The following CEP162 variants were observed in gnomAD, a reference collection of about 807,000 sequenced individuals.
CEP162 encodes centrosomal protein 162, also known as centrosomal protein of 162 kDa.
In CEP162, 141 loss-of-function variants were observed where a neutral mutation model predicts 169.2. The ratio of observed to expected loss-of-function variants is 0.83; its 90% CI spans 0.73 to 0.96. The LOEUF (loss-of-function observed/expected upper bound fraction) is 0.96. Among genes scored for constraint, CEP162 ranks in the 40% least tolerant of loss-of-function variants. CEP162 has a pLI of 0.00. For missense variants in CEP162, 1,600 were observed against 1,587.2 expected, an observed-to-expected ratio of 1.01 and a Z score of -0.14; for synonymous variants, 540 against 526.4, an observed-to-expected ratio of 1.03 and a Z score of -0.35.
At chr6:84,128,742 T>G (rs768990572) in intron 25 of CEP162, among the ~76,000 whole-genome samples, 27 of 152,154 alleles carry the variant, frequency 1.8e-4, no homozygotes, top group Non-Finnish European at 2.9e-4. Context: ...GTGCAGAACG[T>G]GCAGGTTTGT....
intron 3 of CEP162, among the ~76,000 whole-genome samples, chr6:84,219,473 A>T (rs796916343): frequency 8.5e-5 from 13 of 152,284 alleles, no homozygotes; most frequent in African/African-American, 2.9e-4. Flanking sequence ...GGTTGTATAT[A>T]TCTGCTCTGA....
In CEP162 at chr6:84,184,553, T is replaced by C. The variant is rs530917809; in HGVS notation, c.1663+634A>G. 3.9e-5 allele frequency among the ~76,000 whole-genome samples: 6 copies of C among 152,262 alleles called. No individual in the cohort carries two copies. In the South Asian group the frequency reaches 1.0e-3, roughly 26 times the overall value. On this transcript the variant is annotated intron_variant, in intron 13 of 26. Coordinates refer to ENST00000403245, the MANE Select transcript of CEP162 (RefSeq NM_014895.4). ...TCAGCAGTAAATGACAGAGCAGTCC[T>C]TCTTAATATACTTTGTTGACTTGCA...
At chr6:84,204,832 C>A (rs2099546088) in intron 6 of CEP162, among the ~76,000 whole-genome samples, 1 of 151,974 alleles carries the variant, frequency 6.6e-6, no homozygotes, top group South Asian at 2.1e-4. Context: ...AGACTGCTAG[C>A]AAGACTAATA....
intron 25 of CEP162, among the ~76,000 whole-genome samples, chr6:84,140,864 A>C (rs200013557): frequency 1.3e-5 from 2 of 152,104 alleles, no homozygotes; most frequent in East Asian, 3.9e-4. Flanking sequence ...ACTGGTCTAG[A>C]GCAGCAGTTC....
At chr6:84,163,394 G>A (rs1244929957) in intron 18 of CEP162, 124 bp from the exon 19 acceptor site, 4 of 697,172 alleles carry the variant, frequency 5.7e-6, no homozygotes, top group East Asian at 5.4e-5. Context: ...TAGCTCTGAT[G>A]TTATTACTAC....
chr6:84,206,347 G>A (rs1033500751), intron 6 of CEP162, among the ~76,000 whole-genome samples: 1 of 151,880 alleles, frequency 6.6e-6, no homozygotes, highest in African/African-American at 2.4e-5. Context: ...AAGCAGAACA[G>A]CATGGTACTG....
In CEP162 at chr6:84,163,201, A is replaced by T; in HGVS notation, c.2455T>A (p.Phe819Ile). The change falls in exon 19 of 27, where the codon TTC becomes ATC. Residue 819 changes from phenylalanine (F) to isoleucine (I), a missense_variant. Physicochemically the swap from Phe to Ile is conservative, Grantham distance 21. Transcript: ENST00000403245. ...KQDKQALEVD[F>I]EKMKKERDQA... ...TCCCTCTCTTTCTTCATTTTTTCGAAGTCTACTTCAAGAGCTTGTTTGTCT... is the reference window on the plus strand; with the variant it reads ...TCCCTCTCTTTCTTCATTTTTTCGATGTCTACTTCAAGAGCTTGTTTGTCT... 1 of 1,612,758 alleles carries T rather than the reference A, an allele frequency of 6.2e-7. No homozygotes were observed. The highest frequency in any genetic ancestry group is 8.5e-7 in the Non-Finnish European group (1 of 1,179,084).
At position 84,215,460 on chromosome 6, in the gene CEP162, C is replaced by A; in HGVS notation, c.325G>T (p.Val109Leu). 1 of 1,572,774 alleles carries A rather than the reference C, an allele frequency of 6.4e-7. No homozygotes were observed. Among genetic ancestry groups the A allele is most frequent in the Non-Finnish European group, 8.6e-7 (1 of 1,163,006 alleles). Residue 109 changes from valine to leucine, a missense_variant, in exon 5 of 27, where the codon GTA becomes TTA. By Grantham distance (32) the Val-to-Leu change is conservative (BLOSUM62 1). Coordinates refer to ENST00000403245, the MANE Select transcript of CEP162 (RefSeq NM_014895.4). ...STDSLETNEL[V>L]VSELNHSSLG... ...CTACTATGGTTGAGCTCAGAAACTA[C>A]TAGTTCTAAATGGAAAGCACAAATA...
At chr6:84,156,701 T>G (rs1401790382) in intron 21 of CEP162, among the ~76,000 whole-genome samples, 1 of 150,956 alleles carries the variant, frequency 6.6e-6, no homozygotes, top group African/African-American at 2.5e-5. Context: ...GATCCAGCAA[T>G]TCCACTACTA....
chr6:84,136,829 C>A (rs1010936742), intron 25 of CEP162, among the ~76,000 whole-genome samples: 1 of 152,238 alleles, frequency 6.6e-6, no homozygotes, highest in African/African-American at 2.4e-5. Flanking sequence ...TTTTCTTCTG[C>A]ATGAGAAACT....
At chr6:84,151,070 C>T (rs1322225570) in intron 23 of CEP162, among the ~76,000 whole-genome samples, 1 of 151,860 alleles carries the variant, frequency 6.6e-6, no homozygotes, top group Non-Finnish European at 1.5e-5. Flanking sequence ...GAAGGTAGTA[C>T]TTATAACAAG....
Position 84,169,177 on chromosome 6 carries a change from T to G in CEP162, c.2385+151A>C, listed in dbSNP as rs2099528988. On this transcript the variant is annotated intron_variant, in intron 18 of 26. Transcript: ENST00000403245. Reference sequence around the variant, plus strand: ...GTCATGTGCATACTATATGCTAATTTAAGATATTTCTCCCTAAGTTTTAAA... The same window carrying G: ...GTCATGTGCATACTATATGCTAATTGAAGATATTTCTCCCTAAGTTTTAAA... 5.3e-6 allele frequency: 3 copies of G among 565,956 alleles called. No homozygotes were observed. In the South Asian group the frequency reaches 7.4e-5, roughly 14 times the overall value. The allele number at this position is 565,956 out of a possible 1,614,324, so 35.1% of individuals were successfully genotyped here.
Position 84,169,327 on chromosome 6 carries a change from C to T in CEP162, c.2385+1G>A, listed in dbSNP as rs1246510848. 2.0e-6 allele frequency: 3 copies of T among 1,530,128 alleles called. No homozygotes were observed. Among genetic ancestry groups the T allele is most frequent in the Non-Finnish European group, 2.7e-6 (3 of 1,129,058 alleles). The allele number at this position is 1,530,128 out of a possible 1,614,324, so 94.8% of individuals were successfully genotyped here. Reference sequence around the variant, plus strand: ...ATAGTCAAAATCGTTATGCAACTTACCTGTGCCATCCGTAGTTCTGCTAAC... The same window carrying T: ...ATAGTCAAAATCGTTATGCAACTTATCTGTGCCATCCGTAGTTCTGCTAAC... On this transcript the variant is annotated splice_donor_variant, in intron 18 of 26. Coordinates refer to ENST00000403245, the MANE Select transcript of CEP162 (RefSeq NM_014895.4). LOFTEE classifies it high-confidence loss of function.
intron 11 of CEP162, among the ~76,000 whole-genome samples, chr6:84,189,565 C>T (rs978666427): frequency 5.3e-5 from 8 of 152,184 alleles, no homozygotes; most frequent in East Asian, 3.9e-4. Context: ...GGCCCACCGG[C>T]GCTGCGCTCG....
At chr6:84,172,939 C>G (rs2099530774) in intron 16 of CEP162, among the ~76,000 whole-genome samples, 1 of 152,184 alleles carries the variant, frequency 6.6e-6, no homozygotes. Flanking sequence ...TCCTGGTTGA[C>G]TGTCAGGCTA....
chr6:84,210,927 T>C (rs2099549165), intron 6 of CEP162, among the ~76,000 whole-genome samples: 1 of 151,834 alleles, frequency 6.6e-6, no homozygotes, highest in African/African-American at 2.4e-5. Flanking sequence ...AGTGGTAGGA[T>C]CAACTACTTA....
intron 6 of CEP162, among the ~76,000 whole-genome samples, chr6:84,204,616 A>G (rs1337169786): frequency 6.6e-6 from 1 of 152,242 alleles, no homozygotes; most frequent in African/African-American, 2.4e-5. Context: ...AATGCCCACA[A>G]GAAAAAGCAG....
chr6:84,168,845 G>A (rs766490821), intron 18 of CEP162, among the ~76,000 whole-genome samples: 2 of 152,214 alleles, frequency 1.3e-5, no homozygotes, highest in Non-Finnish European at 2.9e-5. Flanking sequence ...TGTTAGGTAT[G>A]TGGAATATAA....
rs1326714820 is a variant in CEP162, at chr6:84,149,698, T to C, written c.3635A>G (p.Lys1212Arg). The change falls in exon 24 of 27, where the codon AAG becomes AGG. Residue 1212 changes from lysine (K) to arginine (R), a missense_variant. Lys to Arg is a conservative substitution (Grantham distance 26, BLOSUM62 2). Transcript: ENST00000403245. ...TGCAATGTGTGCTGCAGTATCTTCC[T>C]TGACCCTACAGAGCAAATGAAAGAA... ...NQFENSMRRV[K>R]EDTAAHIASL... 9.1e-6 allele frequency: 14 copies of C among 1,536,726 alleles called. No homozygotes were observed. Among genetic ancestry groups the C allele is most frequent in the Non-Finnish European group, 1.1e-5 (13 of 1,142,424 alleles).
Sources: gnomAD v4.1 joint callset for allele counts (sites outside exome capture counted in the v4.1 genomes callset) on GRCh38, gnomAD v4.1.1 for gene constraint, MANE v1.5 for transcripts, NCBI Gene and HGNC (gene_info 2026-07-23, HGNC 2026-07-21) for gene names.